FOXP1: variants seen among roughly 807,000 people sequenced by gnomAD.
FOXP1 encodes the protein forkhead box P1.
A neutral mutation model predicts 98.2 loss-of-function variants in FOXP1; 15 were observed. The observed-to-expected ratio is 0.15, with a 90% CI of 0.10 to 0.24. FOXP1 has a LOEUF of 0.24. Ranked by LOEUF, FOXP1 falls within the 10% of genes least tolerant of loss-of-function variation. The pLI, the probability that FOXP1 is intolerant of heterozygous loss-of-function variation, is 1.00. For missense variants in FOXP1, 633 were observed against 848.5 expected (o/e 0.75, Z 3.15); for synonymous variants, 371 against 314.5 (o/e 1.18, Z -1.90).
chr3:71,130,737 T>C, intron 6 of FOXP1: 1 of 1,480,328 alleles, frequency 6.8e-7, no homozygotes, highest in Non-Finnish European at 8.9e-7. Context: ...CTGGCTGGGC[T>C]CTCACTAAAT....
At chr3:70,960,139 C>T (rs1326501646) in intron 20 of FOXP1, among the ~76,000 whole-genome samples, 1 of 151,992 alleles carries the variant, frequency 6.6e-6, no homozygotes, top group Non-Finnish European at 1.5e-5. Context: ...GCAAACACAG[C>T]AAAGAGACAC....
chr3:71,110,357 T>A (rs1415777387), intron 7 of FOXP1, among the ~76,000 whole-genome samples: 3 of 152,220 alleles, frequency 2.0e-5, no homozygotes. Context: ...TGTATGTGTG[T>A]GTTTTTTTAT....
intron 5 of FOXP1, among the ~76,000 whole-genome samples, chr3:71,200,341 CTGA>C (rs2063591393): frequency 6.6e-6 from 1 of 152,174 alleles, no homozygotes; most frequent in African/African-American, 2.4e-5. Context: ...TTTAGTGCTG[CTGA>C]TGATTGTTAC....
At position 71,438,508 on chromosome 3, in the gene FOXP1, T is replaced by C. The variant is rs538155077; in HGVS notation, c.-168+54918A>G. On this transcript the variant is annotated intron_variant, in intron 3 of 20. Transcript: ENST00000649528. The stretch of plus-strand genomic sequence containing the variant: ...GAGGAAACTCTGGCTCACAAAAGGA[T>C]TTAGCATCCTAGCACAGTAGGGATT... 4.1e-4 allele frequency among the ~76,000 whole-genome samples: 62 copies of C among 152,188 alleles called. 1 individual carries two copies. The South Asian group carries it at 9.8e-3, about 24-fold the overall frequency.
chr3:71,385,816 G>A (rs563987747), intron 3 of FOXP1, among the ~76,000 whole-genome samples: 2 of 151,858 alleles, frequency 1.3e-5, no homozygotes, highest in African/African-American at 4.8e-5. Context: ...TCTTTTCCCC[G>A]CACCTCTCTA....
Position 71,198,258 on chromosome 3 carries a change from G to T in FOXP1, c.124C>A (p.Pro42Thr), listed in dbSNP as rs2108380921. ...LREGRSNGETPAVDIGAADLA... is the reference protein window; with the variant it reads ...LREGRSNGETTAVDIGAADLA... Reference sequence around the variant, plus strand: ...TCAGCTGCCCCGATGTCCACGGCCGGCGTCTCTCCGTTGGACCGCCCCTCC... The same window carrying T: ...TCAGCTGCCCCGATGTCCACGGCCGTCGTCTCTCCGTTGGACCGCCCCTCC... The change falls in exon 6 of 21, where the codon CCG (proline) becomes ACG (threonine). Residue 42 changes from proline to threonine, a missense_variant. By Grantham distance (38) the Pro-to-Thr change is conservative. Around this residue, in one of 6 missense-constraint regions of FOXP1, gnomAD observed 103 missense variants for 85.5 expected, o/e 1.20. Transcript: ENST00000649528. The T allele has an allele frequency of 2.5e-6, 4 of 1,614,154 alleles. No individual in the cohort carries two copies. Among genetic ancestry groups the T allele is most frequent in the Non-Finnish European group, 2.5e-6 (3 of 1,180,042 alleles).
intron 6 of FOXP1, among the ~76,000 whole-genome samples, chr3:71,124,284 G>A (rs2058998942): frequency 1.3e-5 from 2 of 151,112 alleles, no homozygotes; most frequent in African/African-American, 4.9e-5. Flanking sequence ...TTTTCAGGTT[G>A]GGCCTTTCTC....
At chr3:71,172,813 G>C (rs935128373) in intron 6 of FOXP1, among the ~76,000 whole-genome samples, 1 of 152,202 alleles carries the variant, frequency 6.6e-6, no homozygotes, top group Non-Finnish European at 1.5e-5. Context: ...TTAAAGGGCT[G>C]CCCTGCCCAC....
intron 3 of FOXP1, among the ~76,000 whole-genome samples, chr3:71,363,061 G>T: frequency 6.6e-6 from 1 of 150,642 alleles, no homozygotes; most frequent in Non-Finnish European, 1.5e-5. Context: ...GATAAATTTT[G>T]TCCTTCATTT....
intron 3 of FOXP1, among the ~76,000 whole-genome samples, chr3:71,399,166 G>A (rs1411074291): frequency 6.6e-6 from 1 of 152,280 alleles, no homozygotes; most frequent in Non-Finnish European, 1.5e-5. Context: ...CCATACGTGT[G>A]TCTATGTGTG....
chr3:71,099,088 G>A (rs1249200792), intron 7 of FOXP1, among the ~76,000 whole-genome samples: 2 of 152,048 alleles, frequency 1.3e-5, no homozygotes, highest in Non-Finnish European at 2.9e-5. Context: ...CATCAATTCC[G>A]GTTACCCAAA....
intron 4 of FOXP1, among the ~76,000 whole-genome samples, chr3:71,357,494 A>G (rs927294522): frequency 2.0e-5 from 3 of 152,238 alleles, no homozygotes; most frequent in Non-Finnish European, 2.9e-5. Context: ...TGATTTCGTA[A>G]AAGTAACCAT....
rs1490167438 is a variant in FOXP1 at position 71,015,604 on chromosome 3, C to T, written c.919G>A (p.Val307Ile). Residue 307 changes from valine (V) to isoleucine (I), a missense_variant, in exon 12 of 21, where the codon GTA becomes ATA. This residue lies in a region of FOXP1 where 23 missense variants were observed against 92.9 expected (regional missense o/e 0.25). Coordinates refer to ENST00000649528, the MANE Select transcript of FOXP1 (RefSeq NM_001349338.3). ...GCTTCACAGCCTGGCCACTTGCATA[C>T]ACCATGTCCATAGAGAGGATGGCTA... ...PHSHPLYGHGVCKWPGCEAVC... is the reference protein window; with the variant it reads ...PHSHPLYGHGICKWPGCEAVC... The T allele has an allele frequency of 6.2e-7, 1 of 1,613,152 alleles. No homozygotes were observed. Among genetic ancestry groups the T allele is most frequent in the Non-Finnish European group, 8.5e-7 (1 of 1,179,404 alleles).
At chr3:71,301,404 A>G (rs1197146442) in intron 4 of FOXP1, among the ~76,000 whole-genome samples, 1 of 152,186 alleles carries the variant, frequency 6.6e-6, no homozygotes, top group Non-Finnish European at 1.5e-5. Context: ...CCCACTCTAC[A>G]CAAATCAGAG....
chr3:71,199,718 T>C (rs555221730), intron 5 of FOXP1, among the ~76,000 whole-genome samples: 11 of 147,286 alleles, frequency 7.5e-5, no homozygotes, highest in African/African-American at 2.8e-4. Flanking sequence ...CCAGCCTAGG[T>C]GACAGGGTGA....
chr3:71,308,678 T>C (rs1441498744), intron 4 of FOXP1, among the ~76,000 whole-genome samples: 1 of 151,540 alleles, frequency 6.6e-6, no homozygotes, highest in Admixed American at 6.6e-5. Context: ...TTCTCTGATT[T>C]GAGCAAAGGA....
chr3:71,281,039 CA>C (rs55640213), intron 5 of FOXP1, among the ~76,000 whole-genome samples: 49,182 of 84,174 alleles, frequency 0.58, 11,407 homozygotes, highest in East Asian at 0.85. Flanking sequence ...CCCTTCTCTA[CA>C]AAAAAAAAAA....
At chr3:71,434,336 C>T (rs2085010310) in intron 3 of FOXP1, among the ~76,000 whole-genome samples, 1 of 152,012 alleles carries the variant, frequency 6.6e-6, no homozygotes. Context: ...CTCCTTCCCA[C>T]TCCAGTCCTG....
intron 11 of FOXP1, among the ~76,000 whole-genome samples, chr3:71,032,396 T>C (rs896571315): frequency 1.3e-5 from 2 of 152,216 alleles, no homozygotes; most frequent in East Asian, 1.9e-4. Flanking sequence ...ATTCCCGAAA[T>C]AGTTTCCCAA....
Sources: gnomAD v4.1 joint callset for allele counts (sites outside exome capture counted in the v4.1 genomes callset) on GRCh38, gnomAD v4.1.1 for gene constraint, gnomAD v4.1.1 regional missense constraint, MANE v1.5 for transcripts, NCBI Gene and HGNC (gene_info 2026-07-23, HGNC 2026-07-21) for gene names.